The following MLLT10 variants were observed in gnomAD, a reference collection of about 807,000 sequenced individuals.
MLLT10 encodes protein AF-10.
In MLLT10, 30 loss-of-function variants were observed where a neutral mutation model predicts 129.1. The observed-to-expected ratio is 0.23, with a 90% CI of 0.17 to 0.32. The LOEUF is 0.32. Among genes scored for constraint, MLLT10 ranks in the 10% least tolerant of loss-of-function variants. MLLT10 has a pLI of 1.00. For synonymous variants in MLLT10, 490 were observed against 446.4 expected (o/e 1.10, Z -1.23); for missense variants, 1,119 against 1,268.3 (o/e 0.88, Z 1.79).
chr10:21,676,357 G>A (rs1159214698), intron 11 of MLLT10, among the ~76,000 whole-genome samples: 6 of 151,798 alleles, frequency 4.0e-5, no homozygotes, highest in Non-Finnish European at 2.9e-5. Context: ...GGCAGAGCTC[G>A]CAGTGAGCAG....
At chr10:21,738,494 T>C in intron 21 of MLLT10, 1 of 1,288,404 alleles carries the variant, frequency 7.8e-7, no homozygotes, top group Non-Finnish European at 1.0e-6. Flanking sequence ...AGGACTGTAC[T>C]TTTTCCTTCA....
chr10:21,706,550 A>C (rs2055521025), intron 13 of MLLT10, among the ~76,000 whole-genome samples: 1 of 152,234 alleles, frequency 6.6e-6, no homozygotes, highest in Non-Finnish European at 1.5e-5. Context: ...GGTTAGGGAT[A>C]ACTTACAGGC....
At chr10:21,558,541 T>C (rs1038522425) in intron 3 of MLLT10, among the ~76,000 whole-genome samples, 6 of 151,658 alleles carry the variant, frequency 4.0e-5, no homozygotes, top group East Asian at 1.9e-4. Flanking sequence ...TCTTCTTCTT[T>C]TTTTTTTTTA....
chr10:21,592,542 A>AC (rs996296722), intron 4 of MLLT10, among the ~76,000 whole-genome samples: 5 of 147,960 alleles, frequency 3.4e-5, no homozygotes, highest in African/African-American at 1.0e-4. Context: ...TGCAGGCTCC[A>AC]CCCCCCGGGG....
At chr10:21,698,259 A>G (rs754180751) in intron 13 of MLLT10, among the ~76,000 whole-genome samples, 6 of 152,094 alleles carry the variant, frequency 3.9e-5, no homozygotes, top group Non-Finnish European at 7.4e-5. Flanking sequence ...TTGTTATTCT[A>G]TTCTCTGTCT....
At chr10:21,707,886 C>T (rs574579201) in intron 13 of MLLT10, among the ~76,000 whole-genome samples, 73 of 152,302 alleles carry the variant, frequency 4.8e-4, no homozygotes, top group African/African-American at 1.7e-3. Context: ...ACAAGTTTTT[C>T]TGTCTTACTC....
chr10:21,671,087 C>G (rs977245912), intron 10 of MLLT10: 5 of 167,586 alleles, frequency 3.0e-5, no homozygotes, highest in Non-Finnish European at 5.2e-5. Flanking sequence ...GTGCAGTGGC[C>G]GGCTCACTGC....
intron 12 of MLLT10, 126 bp downstream of exon 12, chr10:21,681,502 C>G: frequency 3.2e-6 from 2 of 633,376 alleles, no homozygotes; most frequent in East Asian, 5.9e-5. Flanking sequence ...CTTAATTGAA[C>G]AGATACTTTT....
intron 13 of MLLT10, among the ~76,000 whole-genome samples, chr10:21,698,072 A>C (rs2054541692): frequency 6.6e-6 from 1 of 152,144 alleles, no homozygotes; most frequent in African/African-American, 2.4e-5. Context: ...GCAACATTTC[A>C]AGTCTTCTCT....
At chr10:21,633,406 T>C (rs555190763) in intron 8 of MLLT10, among the ~76,000 whole-genome samples, 1 of 152,324 alleles carries the variant, frequency 6.6e-6, no homozygotes, top group African/African-American at 2.4e-5. Flanking sequence ...TTCCCAGTTT[T>C]GGTTAGGAGA....
intron 3 of MLLT10, among the ~76,000 whole-genome samples, chr10:21,561,712 A>G (rs927532041): frequency 6.6e-6 from 1 of 152,248 alleles, no homozygotes; most frequent in Non-Finnish European, 1.5e-5. Context: ...ACTGAATGAT[A>G]CTGGCACTTT....
chr10:21,659,976 C>T (rs1417528590), intron 9 of MLLT10, among the ~76,000 whole-genome samples: 1 of 151,984 alleles, frequency 6.6e-6, no homozygotes. Flanking sequence ...TATCCTGCCA[C>T]CTTGCTTAAA....
intron 3 of MLLT10, among the ~76,000 whole-genome samples, chr10:21,576,368 G>C (rs1489622397): frequency 6.7e-6 from 1 of 149,612 alleles, no homozygotes; most frequent in African/African-American, 2.5e-5. Context: ...TCAGCCTCCC[G>C]AGTAGCTGGG....
rs964446793 is a variant in MLLT10, at chr10:21,714,752, C to T, written c.1878+802C>T. 3.3e-5 allele frequency among the ~76,000 whole-genome samples: 5 copies of T among 152,176 alleles called. No homozygotes were observed. The East Asian group carries it at 7.7e-4, about 23-fold the overall frequency. ...TTGCCGTGTTGGCCAGGCTGGTCTT[C>T]AACCCCTGACCTCAGGTAATCTGCC... On this transcript the variant is annotated intron_variant, in intron 14 of 22. Transcript: ENST00000307729.
intron 8 of MLLT10, among the ~76,000 whole-genome samples, chr10:21,618,958 C>G (rs946241394): frequency 6.6e-6 from 1 of 151,874 alleles, no homozygotes; most frequent in Non-Finnish European, 1.5e-5. Flanking sequence ...TGGTCTCCAA[C>G]TCCTGGTCTC....
At chr10:21,648,019 G>A (rs1199517436) in intron 8 of MLLT10, among the ~76,000 whole-genome samples, 1 of 151,612 alleles carries the variant, frequency 6.6e-6, no homozygotes, top group African/African-American at 2.4e-5. Context: ...GTTTTATTTT[G>A]TCTAAGATAT....
chr10:21,626,380 G>A lies in MLLT10; in HGVS notation c.699+9173G>A. On this transcript the variant is annotated intron_variant, in intron 8 of 22. Transcript: ENST00000307729. The stretch of plus-strand genomic sequence containing the variant: ...ATCTCGCACGCGTGCCACCCCCCAA[G>A]TCTATGATTCTTATGTTTACATGGC... 3 of 635,000 alleles carry A rather than the reference G, an allele frequency of 4.7e-6. 1 individual carries two copies. The South Asian group carries it at 5.7e-5, about 12-fold the overall frequency. The allele number at this position is 635,000 out of a possible 1,614,324, so 39.3% of individuals were successfully genotyped here. A position where few individuals can be genotyped will look rare whatever the true frequency, so the allele number is the denominator to read the frequency against.
chr10:21,642,593 G>T (rs1402136160), intron 8 of MLLT10, among the ~76,000 whole-genome samples: 1 of 149,746 alleles, frequency 6.7e-6, no homozygotes, highest in African/African-American at 2.5e-5. Flanking sequence ...GGAGACGGAG[G>T]TTGCAGTGAG....
At chr10:21,538,731 A>G in intron 2 of MLLT10, 102 bp from the exon 3 acceptor site, 2 of 753,058 alleles carry the variant, frequency 2.7e-6, no homozygotes, top group Non-Finnish European at 4.5e-6. Context: ...GAGGTAGTTT[A>G]CTTGAATAGT....
Sources: gnomAD v4.1 joint callset for allele counts (sites outside exome capture counted in the v4.1 genomes callset) on GRCh38, gnomAD v4.1.1 for gene constraint, MANE v1.5 for transcripts, NCBI Gene and HGNC (gene_info 2026-07-23, HGNC 2026-07-21) for gene names.